Variants in IFT80 observed in about 807,000 individuals in gnomAD.
IFT80 encodes the protein intraflagellar transport 80, also known as intraflagellar transport protein 80 homolog.
IFT80 carries 79 observed loss-of-function variants against 107.9 expected under a neutral mutation model. That is an observed-to-expected ratio of 0.73 (90% CI 0.61 to 0.88). The LOEUF (loss-of-function observed/expected upper bound fraction) is 0.88. IFT80 is among the 40% of genes least tolerant of loss of function. The pLI is 0.00. For synonymous variants in IFT80, 299 were observed against 300.9 expected (o/e 0.99, Z 0.07); for missense variants, 797 against 914.2 (o/e 0.87, Z 1.65).
intron 1 of IFT80, among the ~76,000 whole-genome samples, chr3:160,397,779 C>T (rs571459472): frequency 1.4e-5 from 2 of 138,836 alleles, no homozygotes; most frequent in South Asian, 2.2e-4. Flanking sequence ...TGTAGTGCAA[C>T]GGCACTATCT....
At chr3:160,304,732 C>T (rs1044210130) in intron 10 of IFT80, among the ~76,000 whole-genome samples, 1 of 151,962 alleles carries the variant, frequency 6.6e-6, no homozygotes, top group Non-Finnish European at 1.5e-5. Context: ...ACTGTGCCTG[C>T]CCACTTGATC....
chr3:160,320,012 T>C, intron 8 of IFT80, 73 bp from the exon 9 acceptor site: 1 of 997,924 alleles, frequency 1.0e-6, no homozygotes. Flanking sequence ...ATCAGGCACA[T>C]GACAACGTAA....
At chr3:160,355,656 AT>A in intron 8 of IFT80, among the ~76,000 whole-genome samples, 1 of 152,220 alleles carries the variant, frequency 6.6e-6, no homozygotes, top group Non-Finnish European at 1.5e-5. Flanking sequence ...CAAAAAAAAA[AT>A]AAAAGTTTAT....
chr3:160,348,297 CAGT>C (rs914518137), intron 8 of IFT80, among the ~76,000 whole-genome samples: 4 of 152,168 alleles, frequency 2.6e-5, no homozygotes, highest in African/African-American at 9.7e-5. Context: ...AGAACCACTG[CAGT>C]AGTTTAGCAT....
intron 16 of IFT80, 96 bp downstream of exon 16, chr3:160,279,088 ATTCACAATT>A (rs1376550642): frequency 4.8e-6 from 4 of 837,730 alleles, no homozygotes; most frequent in Non-Finnish European, 7.8e-6. Context: ...ACATGATCTT[ATTCACAATT>A]TTTCCAGCCT....
chr3:160,327,747 C>A (rs151111086), intron 8 of IFT80, among the ~76,000 whole-genome samples: 2 of 152,176 alleles, frequency 1.3e-5, no homozygotes, highest in East Asian at 3.9e-4. Flanking sequence ...AGAAGAAAAC[C>A]TAGGCAATAC....
At chr3:160,352,017 ATTT>A (rs553114042) in intron 8 of IFT80, among the ~76,000 whole-genome samples, 1 of 143,754 alleles carries the variant, frequency 7.0e-6, no homozygotes. Context: ...CACAATAGTA[ATTT>A]TTTTTTTTTT....
chr3:160,260,068 AT>A (rs1003626904), intron 19 of IFT80, among the ~76,000 whole-genome samples: 62 of 152,116 alleles, frequency 4.1e-4, no homozygotes, highest in African/African-American at 1.3e-3. Context: ...GAAATTAAGT[AT>A]TTTTTTTAAT....
At chr3:160,338,045 A>G (rs1431421003) in intron 8 of IFT80, among the ~76,000 whole-genome samples, 1 of 152,118 alleles carries the variant, frequency 6.6e-6, no homozygotes, top group South Asian at 2.1e-4. Flanking sequence ...ATCACTTTCT[A>G]TCAAAACTTT....
At chr3:160,348,586 T>A (rs1720459719) in intron 8 of IFT80, among the ~76,000 whole-genome samples, 1 of 152,170 alleles carries the variant, frequency 6.6e-6, no homozygotes, top group African/African-American at 2.4e-5. Flanking sequence ...TACTTCTAAG[T>A]ATACACTCCA....
chr3:160,386,236 T>C (rs60153357), intron 1 of IFT80, among the ~76,000 whole-genome samples: 6,933 of 152,274 alleles, frequency 0.046, 227 homozygotes, highest in Middle Eastern at 0.078. Flanking sequence ...CACAATTCCA[T>C]TTATCTGAGA....
chr3:160,326,084 A>C (rs1718655350), intron 8 of IFT80, among the ~76,000 whole-genome samples: 1 of 151,900 alleles, frequency 6.6e-6, no homozygotes, highest in East Asian at 1.9e-4. Context: ...ATGATAACAA[A>C]CCCCCATAAT....
chr3:160,366,290 A>C, intron 5 of IFT80, 138 bp from the exon 6 acceptor site: 1 of 667,312 alleles, frequency 1.5e-6, no homozygotes, highest in Non-Finnish European at 2.6e-6. Context: ...GACCTTTCAA[A>C]TTAGAGTATA....
At chr3:160,337,465 T>C (rs1719581113) in intron 8 of IFT80, among the ~76,000 whole-genome samples, 1 of 151,422 alleles carries the variant, frequency 6.6e-6, no homozygotes, top group Non-Finnish European at 1.5e-5. Flanking sequence ...CTACTAAAAA[T>C]ACGAAAAAAA....
chr3:160,260,494 T>C (rs1174672728), intron 19 of IFT80, among the ~76,000 whole-genome samples: 1 of 152,196 alleles, frequency 6.6e-6, no homozygotes, highest in Non-Finnish European at 1.5e-5. Flanking sequence ...TGCTGCTCTG[T>C]TGCAAGTAAA....
At chr3:160,387,672 A>G (rs1487259941) in intron 1 of IFT80, among the ~76,000 whole-genome samples, 3 of 152,208 alleles carry the variant, frequency 2.0e-5, no homozygotes, top group African/African-American at 7.2e-5. Context: ...TAGACAACCC[A>G]ATGGAGAAGT....
chr3:160,383,571 T>A (rs1712691637), intron 2 of IFT80: 9 of 803,790 alleles, frequency 1.1e-5, no homozygotes, highest in Non-Finnish European at 1.4e-5. Context: ...ATTAGAAAAA[T>A]TGGACATTAT....
chr3:160,291,801 C>T (rs1037710095), intron 12 of IFT80, among the ~76,000 whole-genome samples: 2 of 152,134 alleles, frequency 1.3e-5, no homozygotes, highest in Non-Finnish European at 1.5e-5. Context: ...TAAGGTATGT[C>T]GTATCAATGC....
At position 160,257,415 on chromosome 3, in the gene IFT80, T is replaced by C. The variant is rs981397224; in HGVS notation, c.*1110A>G. ...ACTTTCTAAGGGGTATTTGTTTTAT[T>C]GTTTAAAAGATTATGTGGTAATAAC... On this transcript the variant is annotated 3_prime_UTR_variant, in exon 20 of 20. Transcript: ENST00000326448. The C allele has an allele frequency of 3.3e-5, 5 of 152,230 alleles. No homozygotes were observed. Among genetic ancestry groups the C allele is most frequent in the Admixed American group, 6.5e-5 (1 of 15,292 alleles). The allele number at this position is 152,230 out of a possible 1,614,324, so 9.4% of individuals were successfully genotyped here.
Sources: allele counts gnomAD v4.1 joint callset (sites outside exome capture counted in the v4.1 genomes callset), GRCh38; gene constraint gnomAD v4.1.1; transcripts MANE v1.5; gene names NCBI Gene and HGNC (gene_info 2026-07-23, HGNC 2026-07-21).